FGF18: variants seen among roughly 807,000 people sequenced by gnomAD.
FGF18 encodes fibroblast growth factor 18.
In FGF18, 5 loss-of-function variants were observed where a neutral mutation model predicts 23.0. The ratio of observed to expected loss-of-function variants is 0.22; its 90% CI spans 0.11 to 0.46. The LOEUF (loss-of-function observed/expected upper bound fraction) is 0.46. FGF18 is among the 20% of genes least tolerant of loss of function. The probability of loss-of-function intolerance (pLI) is 0.99; values close to 1 mark genes in which losing one functional copy is unlikely to be tolerated. For synonymous variants in FGF18, 117 were observed against 118.9 expected, an observed-to-expected ratio of 0.98 and a Z score of 0.10; for missense variants, 180 against 291.6, an observed-to-expected ratio of 0.62 and a Z score of 2.79.
intron 2 of FGF18, among the ~76,000 whole-genome samples, chr5:171,435,477 T>C (rs1772232456): frequency 6.6e-6 from 1 of 152,152 alleles, no homozygotes; most frequent in African/African-American, 2.4e-5. Flanking sequence ...CAAAGGCTTC[T>C]CCTAGAGGAG....
intron 2 of FGF18, among the ~76,000 whole-genome samples, chr5:171,435,339 G>T (rs1345538146): frequency 6.6e-6 from 1 of 152,236 alleles, no homozygotes; most frequent in Non-Finnish European, 1.5e-5. Context: ...GGTGCAAGTT[G>T]TCCCAATGAG....
At chr5:171,450,822 A>T (rs1772491684) in intron 4 of FGF18, among the ~76,000 whole-genome samples, 1 of 151,284 alleles carries the variant, frequency 6.6e-6, no homozygotes, top group Admixed American at 6.6e-5. Flanking sequence ...GGCGCGGCCC[A>T]GCCCCGCGTC....
At chr5:171,433,648 G>T (rs1772210301) in intron 2 of FGF18, among the ~76,000 whole-genome samples, 1 of 152,192 alleles carries the variant, frequency 6.6e-6, no homozygotes, top group Non-Finnish European at 1.5e-5. Flanking sequence ...GCTGGGGGAA[G>T]TGAAGAGGAG....
chr5:171,426,753 C>T lies in FGF18; in HGVS notation c.69+6310C>T, dbSNP rs555749862. Reference sequence around the variant, plus strand: ...TTTACCCGCCTGGGTATCAGTGAGGCGAGGTCAGTGGCTTCTGTGATGCTT... The same window carrying T: ...TTTACCCGCCTGGGTATCAGTGAGGTGAGGTCAGTGGCTTCTGTGATGCTT... On this transcript the variant is annotated intron_variant, in intron 2 of 4. Transcript: ENST00000274625. Among the ~76,000 whole-genome samples, 6 of 152,310 alleles carry T rather than the reference C, an allele frequency of 3.9e-5. No individual in the cohort carries two copies. In the East Asian group the frequency reaches 9.6e-4, roughly 24 times the overall value.
chr5:171,450,534 C>T (rs530152450), intron 4 of FGF18, among the ~76,000 whole-genome samples: 11 of 152,350 alleles, frequency 7.2e-5, no homozygotes, highest in African/African-American at 2.6e-4. Flanking sequence ...CACACTACAG[C>T]TCGGCGGGAT....
At chr5:171,421,723 C>T (rs2113323940) in intron 2 of FGF18, among the ~76,000 whole-genome samples, 1 of 152,260 alleles carries the variant, frequency 6.6e-6, no homozygotes, top group Middle Eastern at 3.4e-3. Context: ...TGGGGGCATC[C>T]ATTGGGGCTT....
At chr5:171,441,125 G>A (rs1772336879) in intron 3 of FGF18, among the ~76,000 whole-genome samples, 1 of 152,208 alleles carries the variant, frequency 6.6e-6, no homozygotes, top group Non-Finnish European at 1.5e-5. Context: ...AGTTGGTGGT[G>A]GAGCTGGGAG....
At chr5:171,437,351 C>G (rs1772263172) in intron 3 of FGF18, among the ~76,000 whole-genome samples, 1 of 152,176 alleles carries the variant, frequency 6.6e-6, no homozygotes, top group Non-Finnish European at 1.5e-5. Flanking sequence ...ATGGTAGGGC[C>G]CAAGCGTGGC....
In FGF18 at chr5:171,456,530, C is replaced by G. The variant is rs1392828639; in HGVS notation, c.358-9C>G. ...TTTTTCTTGAACACTCCCCCTCTCT[C>G]CCCTGCAGCCCGATGGCACCAGCAA... On this transcript the variant is annotated splice_polypyrimidine_tract_variant and intron_variant, in intron 4 of 4. Transcript: ENST00000274625. This position sits in a 1 kb window ranked among gnomAD's most constrained non-coding sequence, Gnocchi z 6.1. 6.2e-7 allele frequency: 1 copy of G among 1,610,266 alleles called. No homozygotes were observed. Among genetic ancestry groups the G allele is most frequent in the Non-Finnish European group, 8.5e-7 (1 of 1,177,158 alleles).
chr5:171,443,519 T>TTTTTTA (rs1772376595), intron 3 of FGF18, among the ~76,000 whole-genome samples: 1 of 132,634 alleles, frequency 7.5e-6, no homozygotes, highest in Non-Finnish European at 1.6e-5. Context: ...TTTTTTTTTT[T>TTTTTTA]TTTTTTTTTT....
rs1282910472 is a variant in FGF18 at position 171,436,833 on chromosome 5, AC to A, written c.250+564del. ...ACCCTCCTGGAGTACTTGGGAACTCACCCCGCTCCCCTGCCTATGCTGCCTC... is the reference window on the plus strand; with the variant it reads ...ACCCTCCTGGAGTACTTGGGAACTCACCCGCTCCCCTGCCTATGCTGCCTC... On this transcript the variant is annotated intron_variant, in intron 3 of 4. Transcript: ENST00000274625. The surrounding 1 kb of genome is among the most constrained non-coding windows in gnomAD (Gnocchi z 4.4). Among the ~76,000 whole-genome samples, 3 of 151,898 alleles carry A rather than the reference AC, an allele frequency of 2.0e-5. No individual in the cohort carries two copies. Among genetic ancestry groups the A allele is most frequent in the Admixed American group, 2.0e-4 (3 of 15,226 alleles).
chr5:171,429,439 G>T (rs1322645416), intron 2 of FGF18, among the ~76,000 whole-genome samples: 1 of 152,256 alleles, frequency 6.6e-6, no homozygotes, highest in African/African-American at 2.4e-5. Context: ...GTAATCCAGA[G>T]AGCGTCCCTT....
chr5:171,456,852 C>G lies in FGF18; in HGVS notation c.*47C>G, dbSNP rs1255340626. The G allele has an allele frequency of 6.5e-7, 1 of 1,549,442 alleles. No homozygotes were observed. The highest frequency in any genetic ancestry group is 8.7e-7 in the Non-Finnish European group (1 of 1,149,280). ...AGGTCGCCCTGGCCACACTCACACT[C>G]CCAGAAAACTGCATCAGAGGAATAT... On this transcript the variant is annotated 3_prime_UTR_variant, in exon 5 of 5. Coordinates refer to ENST00000274625, the MANE Select transcript of FGF18 (RefSeq NM_003862.3). This position sits in a 1 kb window ranked among gnomAD's most constrained non-coding sequence, Gnocchi z 6.1.
intron 2 of FGF18, among the ~76,000 whole-genome samples, chr5:171,429,933 A>C (rs1166741834): frequency 7.2e-5 from 11 of 152,250 alleles, no homozygotes; most frequent in Non-Finnish European, 5.9e-5. Context: ...GAGGGAGAAC[A>C]GTGGCAGGCG....
In FGF18 at chr5:171,436,224, G is replaced by A. The variant is rs748879980; in HGVS notation, c.201G>A (p.Gln67=). ...LYSRTSGKHI[Q]VLGRRISARG... is the part of the protein sequence containing the mutation. ...GCCGGACCAGTGGGAAACACATCCA[G>A]GTCCTGGGCCGCAGGATCAGTGCCC... The change falls in exon 3 of 5, where the codon CAG becomes CAA. Residue 67 remains glutamine (Q), a synonymous_variant. Coordinates refer to ENST00000274625, the MANE Select transcript of FGF18 (RefSeq NM_003862.3). The surrounding 1 kb of genome is among the most constrained non-coding windows in gnomAD (Gnocchi z 4.4). The A allele has an allele frequency of 1.2e-6, 2 of 1,602,722 alleles. No homozygotes were observed. The highest frequency in any genetic ancestry group is 2.2e-5 in the South Asian group (2 of 89,440).
chr5:171,435,611 G>A (rs1471069982), intron 2 of FGF18, among the ~76,000 whole-genome samples: 3 of 152,098 alleles, frequency 2.0e-5, no homozygotes, highest in Admixed American at 6.5e-5. Context: ...TGGTTCCCTG[G>A]ATGAGGCTTT....
rs1196376835 is a variant in FGF18 at position 171,440,571 on chromosome 5, C to G, written c.250+4298C>G. ...TCAAAGAGCCTTCAGTCTAGGGCCC[C>G]CATTCCTTACTAGAGGCTGACTTTG... On this transcript the variant is annotated intron_variant, in intron 3 of 4. Transcript: ENST00000274625. This position sits in a 1 kb window ranked among gnomAD's most constrained non-coding sequence, Gnocchi z 4.0. Among the ~76,000 whole-genome samples the G allele has an allele frequency of 6.6e-6, 1 of 152,110 alleles. No homozygotes were observed. Among genetic ancestry groups the G allele is most frequent in the Non-Finnish European group, 1.5e-5 (1 of 68,026 alleles).
Position 171,436,297 on chromosome 5 carries a change from A to C in FGF18, c.250+24A>C. On this transcript the variant is annotated intron_variant, in intron 3 of 4. Transcript: ENST00000274625. The surrounding 1 kb of genome is among the most constrained non-coding windows in gnomAD (Gnocchi z 4.4). ...TGGTATGTGCCAACCCTCTCCTCCTACTCCGTGTACCCGTGTACATGTCCT... is the reference window on the plus strand; with the variant it reads ...TGGTATGTGCCAACCCTCTCCTCCTCCTCCGTGTACCCGTGTACATGTCCT... The C allele has an allele frequency of 6.7e-7, 1 of 1,503,460 alleles. No individual in the cohort carries two copies. Among genetic ancestry groups the C allele is most frequent in the South Asian group, 1.3e-5 (1 of 74,886 alleles). 93.1% of individuals were successfully genotyped at this position (1,503,460 alleles called of 1,614,324 possible).
At chr5:171,445,994 G>GTC (rs1178503641) in intron 3 of FGF18, among the ~76,000 whole-genome samples, 2 of 151,632 alleles carry the variant, frequency 1.3e-5, no homozygotes, top group Non-Finnish European at 2.9e-5. Flanking sequence ...TCCTTCTCCT[G>GTC]TCTCTCTCTC....
Sources: gnomAD v4.1 joint callset for allele counts (sites outside exome capture counted in the v4.1 genomes callset) on GRCh38, gnomAD v4.1.1 for gene constraint, Gnocchi (gnomAD v3.1) non-coding constraint, MANE v1.5 for transcripts, NCBI Gene and HGNC (gene_info 2026-07-23, HGNC 2026-07-21) for gene names.